The following CWF19L2 variants were observed in gnomAD, a reference collection of about 807,000 sequenced individuals.
CWF19L2 encodes CWF19-like protein 2.
In CWF19L2, 98 loss-of-function variants were observed where a neutral mutation model predicts 111.7. The ratio of observed to expected loss-of-function variants is 0.88; its 90% confidence interval spans 0.75 to 1.04. The LOEUF is 1.04. Ranked by LOEUF, CWF19L2 falls within the 50% of genes least tolerant of loss-of-function variation. The pLI is 0.00. For missense variants in CWF19L2, 1,101 were observed against 1,051.4 expected (o/e 1.05, Z -0.65); for synonymous variants, 351 against 342.9 (o/e 1.02, Z -0.26).
At chr11:107,432,654 C>T (rs1421296955) in intron 7 of CWF19L2, among the ~76,000 whole-genome samples, 4 of 152,222 alleles carry the variant, frequency 2.6e-5, no homozygotes, top group African/African-American at 9.6e-5. Flanking sequence ...AAAAACTCTG[C>T]CAATCACAAC....
intron 12 of CWF19L2, among the ~76,000 whole-genome samples, chr11:107,354,793 T>C (rs1860211618): frequency 6.6e-6 from 1 of 152,224 alleles, no homozygotes; most frequent in African/African-American, 2.4e-5. Flanking sequence ...AGTTATTCTG[T>C]CCTTGGCATC....
At chr11:107,393,585 T>C (rs76718783) in intron 10 of CWF19L2, among the ~76,000 whole-genome samples, 1,978 of 152,318 alleles carry the variant, frequency 0.013, 25 homozygotes, top group South Asian at 0.039. Flanking sequence ...CCTGCACTTG[T>C]ATGTTTATCC....
intron 10 of CWF19L2, among the ~76,000 whole-genome samples, chr11:107,399,431 T>C (rs951747825): frequency 2.0e-5 from 3 of 152,118 alleles, no homozygotes; most frequent in Non-Finnish European, 4.4e-5. Context: ...TATTCTTATA[T>C]CAGACAAAAC....
chr11:107,440,654 A>T (rs1452840935), intron 5 of CWF19L2, among the ~76,000 whole-genome samples: 1 of 152,226 alleles, frequency 6.6e-6, no homozygotes, highest in African/African-American at 2.4e-5. Flanking sequence ...AAATTATGAG[A>T]TACTATCTGA....
At chr11:107,413,660 G>T (rs623599) in intron 10 of CWF19L2, among the ~76,000 whole-genome samples, 1 of 152,024 alleles carries the variant, frequency 6.6e-6, no homozygotes, top group Non-Finnish European at 1.5e-5. Context: ...CCCAGTCCCT[G>T]CTTTTTAATC....
chr11:107,346,909 AC>A (rs1860088550), intron 14 of CWF19L2, among the ~76,000 whole-genome samples: 1 of 152,270 alleles, frequency 6.6e-6, no homozygotes, highest in South Asian at 2.1e-4. Context: ...CAAGAAAAAG[AC>A]CTAAAGGTAC....
chr11:107,349,612 T>C (rs537070623), intron 13 of CWF19L2, among the ~76,000 whole-genome samples: 116 of 104,700 alleles, frequency 1.1e-3, no homozygotes, highest in African/African-American at 4.8e-3. Flanking sequence ...TTCCATTATA[T>C]ACAAACTGTC....
chr11:107,383,856 T>C (rs942000738), intron 12 of CWF19L2, among the ~76,000 whole-genome samples: 4 of 152,218 alleles, frequency 2.6e-5, no homozygotes. Context: ...CTGTTCAACA[T>C]GAAATCTTTC....
At chr11:107,356,635 C>G (rs899244170) in intron 12 of CWF19L2, among the ~76,000 whole-genome samples, 9 of 152,206 alleles carry the variant, frequency 5.9e-5, no homozygotes, top group African/African-American at 2.2e-4. Context: ...AATATCAGAA[C>G]TGGTCACTAA....
At chr11:107,345,306 C>CA (rs1233542384) in intron 14 of CWF19L2, 1 of 258,354 alleles carries the variant, frequency 3.9e-6, no homozygotes, top group Non-Finnish European at 7.7e-6. Flanking sequence ...AAATCGTTAA[C>CA]AGAGTGGAAC....
At chr11:107,352,887 T>C (rs1319120467) in intron 13 of CWF19L2, among the ~76,000 whole-genome samples, 1 of 152,172 alleles carries the variant, frequency 6.6e-6, no homozygotes, top group Non-Finnish European at 1.5e-5. Context: ...CAACTTCTTC[T>C]ACTTTTCTCA....
At chr11:107,359,736 A>T (rs1591161516) in intron 12 of CWF19L2, among the ~76,000 whole-genome samples, 1 of 152,192 alleles carries the variant, frequency 6.6e-6, no homozygotes, top group Non-Finnish European at 1.5e-5. Context: ...CCTGGGCAAC[A>T]TGGCAGAACC....
chr11:107,350,626 T>C (rs1030297912), intron 13 of CWF19L2, among the ~76,000 whole-genome samples: 2 of 152,070 alleles, frequency 1.3e-5, no homozygotes, highest in African/African-American at 4.8e-5. Flanking sequence ...AGCCATCCAG[T>C]CTACGGTATT....
At chr11:107,332,093 T>G (rs1273581174) in intron 16 of CWF19L2, among the ~76,000 whole-genome samples, 1 of 152,210 alleles carries the variant, frequency 6.6e-6, no homozygotes, top group East Asian at 1.9e-4. Context: ...ACTCCTGACT[T>G]CTTATAAGTA....
At chr11:107,412,560 C>T (rs1017323217) in intron 10 of CWF19L2, among the ~76,000 whole-genome samples, 10 of 152,186 alleles carry the variant, frequency 6.6e-5, no homozygotes, top group African/African-American at 1.9e-4. Flanking sequence ...AGGCTAGTCT[C>T]GAACTCCTGA....
chr11:107,355,649 TAG>T (rs1860227147), intron 12 of CWF19L2, among the ~76,000 whole-genome samples: 1 of 152,156 alleles, frequency 6.6e-6, no homozygotes, highest in Non-Finnish European at 1.5e-5. Flanking sequence ...CAACATTCTG[TAG>T]ATTATGTAAG....
At chr11:107,444,096 CT>C (rs35888473) in intron 3 of CWF19L2, among the ~76,000 whole-genome samples, 8,030 of 142,050 alleles carry the variant, frequency 0.057, 221 homozygotes, top group East Asian at 0.11. Context: ...ATTTCCCACC[CT>C]TTTTTTTTTT....
intron 6 of CWF19L2, among the ~76,000 whole-genome samples, chr11:107,437,592 A>G (rs139783112): frequency 5.3e-5 from 8 of 152,326 alleles, no homozygotes; most frequent in Non-Finnish European, 1.0e-4. Context: ...CTCTTTCTGA[A>G]TAAACATAAG....
At chr11:107,405,839 C>CAAA (rs1555023830) in intron 10 of CWF19L2, among the ~76,000 whole-genome samples, 13 of 81,296 alleles carry the variant, frequency 1.6e-4, no homozygotes, top group African/African-American at 4.7e-4. Context: ...TGAAGCAAGC[C>CAAA]AAAAAAAAAA....
Sources: allele counts gnomAD v4.1 joint callset (sites outside exome capture counted in the v4.1 genomes callset), GRCh38; gene constraint gnomAD v4.1.1; transcripts MANE v1.5; gene names NCBI Gene and HGNC (gene_info 2026-07-23, HGNC 2026-07-21).